RSF1: variants seen among roughly 807,000 people sequenced by gnomAD.
RSF1 encodes the protein HBV pX-associated protein 8.
Under a neutral mutation model 145.2 loss-of-function variants are expected in RSF1, and 13 were observed. That is an observed-to-expected ratio of 0.09 (90% CI 0.06 to 0.14). The LOEUF (loss-of-function observed/expected upper bound fraction) is 0.14. RSF1 is among the 10% of genes least tolerant of loss of function. RSF1 has a pLI of 1.00. For synonymous variants in RSF1, 577 were observed against 592.6 expected (o/e 0.97, Z 0.38); for missense variants, 1,517 against 1,718.2 (o/e 0.88, Z 2.07).
intron 5 of RSF1, among the ~76,000 whole-genome samples, chr11:77,716,584 G>C (rs1274726238): frequency 6.6e-6 from 1 of 152,176 alleles, no homozygotes; most frequent in Non-Finnish European, 1.5e-5. Context: ...CACAGAAGCA[G>C]AGTAGAATAG....
the RSF1 span, among the ~76,000 whole-genome samples, chr11:77,828,256 C>G: frequency 6.6e-6 from 1 of 151,330 alleles, no homozygotes; most frequent in Non-Finnish European, 1.5e-5. Flanking sequence ...GCCTGGGTGA[C>G]AGAGCGCAAC....
intron 5 of RSF1, among the ~76,000 whole-genome samples, chr11:77,715,413 C>A (rs1392925273): frequency 6.6e-6 from 1 of 152,048 alleles, no homozygotes; most frequent in African/African-American, 2.4e-5. Flanking sequence ...TTATTAGTCT[C>A]CCTATACTTG....
At chr11:77,780,824 CAAAAAAAA>C (rs33925149) in intron 1 of RSF1, among the ~76,000 whole-genome samples, 30 of 127,846 alleles carry the variant, frequency 2.3e-4, no homozygotes, top group African/African-American at 7.8e-4. Flanking sequence ...GACTCCGTCT[CAAAAAAAA>C]AAAAAAAAAG....
the RSF1 span, among the ~76,000 whole-genome samples, chr11:77,854,165 T>C: frequency 6.6e-6 from 1 of 151,854 alleles, no homozygotes; most frequent in African/African-American, 2.4e-5. Flanking sequence ...TAATTTTTTT[T>C]GTATTTGTAG....
intron 1 of RSF1, among the ~76,000 whole-genome samples, chr11:77,773,445 T>TA (rs1948308790): frequency 6.6e-6 from 1 of 152,154 alleles, no homozygotes; most frequent in Non-Finnish European, 1.5e-5. Context: ...CAGAGTCTGC[T>TA]ATAGTATATA....
Position 77,701,742 on chromosome 11 carries a change from C to A in RSF1, c.1487G>T (p.Ser496Ile). 1 of 1,613,676 alleles carries A rather than the reference C, an allele frequency of 6.2e-7. No individual in the cohort carries two copies. Among genetic ancestry groups the A allele is most frequent in the Non-Finnish European group, 8.5e-7 (1 of 1,179,970 alleles). Residue 496 changes from serine (S) to isoleucine (I), a missense_variant, in exon 6 of 16, where the codon AGT (serine) becomes ATT (isoleucine). Coordinates refer to ENST00000308488, the MANE Select transcript of RSF1 (RefSeq NM_016578.4). ...GTESLNSVIT[S>I]MKTGELEKET... ...TTTCTCAAGCTCACCTGTTTTCATACTTGTTATGACAGAATTTAAGGACTC... is the reference window on the plus strand; with the variant it reads ...TTTCTCAAGCTCACCTGTTTTCATAATTGTTATGACAGAATTTAAGGACTC...
chr11:77,829,526 C>T, the RSF1 span: 1 of 151,956 alleles, frequency 6.6e-6, no homozygotes, highest in East Asian at 1.9e-4. Context: ...GTTTTTGCAA[C>T]AAATGATGCT....
intron 1 of RSF1, among the ~76,000 whole-genome samples, chr11:77,805,540 A>G (rs957934306): frequency 5.3e-5 from 8 of 152,224 alleles, no homozygotes; most frequent in African/African-American, 1.9e-4. Context: ...CAAGATAGTT[A>G]ATTAAAGTTA....
chr11:77,686,408 C>CAAAAAAAAAAAAAAAAAAAAAAAAAAAAA lies in RSF1; in HGVS notation c.2901-1250_2901-1249insTTTTTTTTTTTTTTTTTTTTTTTTTTTTT, dbSNP rs564410248. Among the ~76,000 whole-genome samples, 12 of 37,108 alleles carry CAAAAAAAAAAAAAAAAAAAAAAAAAAAAA rather than the reference C, an allele frequency of 3.2e-4. 2 individuals are homozygous for CAAAAAAAAAAAAAAAAAAAAAAAAAAAAA. The highest frequency in any genetic ancestry group is 4.3e-4 in the Non-Finnish European group (9 of 21,050). 24.3% of individuals were successfully genotyped at this position (37,108 alleles called of 152,430 possible). ...GGGCATCAAGAGTGAGACCCTGTCT[C>CAAAAAAAAAAAAAAAAAAAAAAAAAAAAA]AAAAAAAAAAAAAAAAAAAAGCAGG... On this transcript the variant is annotated intron_variant, in intron 9 of 15. Transcript: ENST00000308488.
chr11:77,699,686 A>AG (rs1590837598), intron 6 of RSF1, among the ~76,000 whole-genome samples: 3 of 152,292 alleles, frequency 2.0e-5, no homozygotes, highest in Admixed American at 6.5e-5. Flanking sequence ...GCCTTTTTGG[A>AG]GGGCAATGTG....
At chr11:77,725,259 T>A (rs372873419) in intron 5 of RSF1, among the ~76,000 whole-genome samples, 1 of 152,176 alleles carries the variant, frequency 6.6e-6, no homozygotes, top group South Asian at 2.1e-4. Flanking sequence ...TTTGCCACAA[T>A]AAAAAAGTTC....
chr11:77,797,955 G>A (rs1436878882), intron 1 of RSF1, among the ~76,000 whole-genome samples: 1 of 152,220 alleles, frequency 6.6e-6, no homozygotes. Flanking sequence ...ACCACAATGA[G>A]ATACCATCTC....
At chr11:77,761,380 TTTC>T (rs1466594655) in intron 2 of RSF1, among the ~76,000 whole-genome samples, 1 of 152,184 alleles carries the variant, frequency 6.6e-6, no homozygotes, top group African/African-American at 2.4e-5. Flanking sequence ...TGTTACAGTA[TTTC>T]TTTTTTTTTT....
At chr11:77,729,389 A>G (rs1481765189) in intron 4 of RSF1, among the ~76,000 whole-genome samples, 1 of 152,144 alleles carries the variant, frequency 6.6e-6, no homozygotes, top group Non-Finnish European at 1.5e-5. Flanking sequence ...CTAAACTGTT[A>G]TATTTTCCTA....
intron 9 of RSF1, 177 bp downstream of exon 9, chr11:77,690,982 T>TAAAAACATA (rs1960137677): frequency 1.8e-6 from 1 of 543,282 alleles, no homozygotes; most frequent in Non-Finnish European, 3.2e-6. Flanking sequence ...CCCAATCATT[T>TAAAAACATA]AAAAACATAA....
chr11:77,770,074 T>C (rs1179581189), intron 1 of RSF1, among the ~76,000 whole-genome samples: 5 of 152,196 alleles, frequency 3.3e-5, no homozygotes, highest in Non-Finnish European at 7.3e-5. Context: ...ACCTTATCTT[T>C]AAAGAGTTCA....
At chr11:77,729,475 T>C (rs999507129) in intron 4 of RSF1, among the ~76,000 whole-genome samples, 5 of 152,042 alleles carry the variant, frequency 3.3e-5, no homozygotes, top group African/African-American at 9.7e-5. Context: ...GAAATATGAT[T>C]TCTCCCAGCC....
chr11:77,670,697 G>T (rs761299739), intron 15 of RSF1, among the ~76,000 whole-genome samples: 1 of 152,068 alleles, frequency 6.6e-6, no homozygotes, highest in Non-Finnish European at 1.5e-5. Flanking sequence ...ATTCGAAAAA[G>T]ATGTTCACTT....
At chr11:77,817,699 T>C (rs1011836428) in intron 1 of RSF1, among the ~76,000 whole-genome samples, 2 of 152,250 alleles carry the variant, frequency 1.3e-5, no homozygotes, top group African/African-American at 4.8e-5. Context: ...TATTGAGCCT[T>C]AGTTTCTATG....
Sources: gnomAD v4.1 joint callset for allele counts (sites outside exome capture counted in the v4.1 genomes callset) on GRCh38, gnomAD v4.1.1 for gene constraint, MANE v1.5 for transcripts, NCBI Gene and HGNC (gene_info 2026-07-23, HGNC 2026-07-21) for gene names.